KCNH7: variants seen among roughly 807,000 people sequenced by gnomAD.
KCNH7 encodes the protein potassium voltage-gated channel subfamily H member 7.
KCNH7 carries 49 observed loss-of-function variants against 120.8 expected under a neutral mutation model. The observed-to-expected ratio is 0.41, with a 90% CI of 0.32 to 0.51. KCNH7 has a LOEUF of 0.51. Ranked by LOEUF, KCNH7 falls within the 20% of genes least tolerant of loss-of-function variation. KCNH7 has a pLI of 0.38. For missense variants in KCNH7, 1,097 were observed against 1,446.6 expected (o/e 0.76, Z 3.92); for synonymous variants, 547 against 516.1 (o/e 1.06, Z -0.81).
chr2:162,653,416 A>G (rs1208650699), intron 2 of KCNH7, among the ~76,000 whole-genome samples: 1 of 152,208 alleles, frequency 6.6e-6, no homozygotes, highest in Non-Finnish European at 1.5e-5. Context: ...AAAAATCAGT[A>G]GCAGTTCTAT....
chr2:162,466,347 G>T (rs1689304301), intron 6 of KCNH7, among the ~76,000 whole-genome samples: 1 of 152,140 alleles, frequency 6.6e-6, no homozygotes, highest in Admixed American at 6.5e-5. Context: ...ATACGGCTAG[G>T]GAAGCCTCAG....
At chr2:162,677,967 T>C (rs1281648232) in intron 2 of KCNH7, among the ~76,000 whole-genome samples, 1 of 151,512 alleles carries the variant, frequency 6.6e-6, no homozygotes, top group African/African-American at 2.4e-5. Flanking sequence ...CTCATTTTTT[T>C]CTATTGGATT....
intron 2 of KCNH7, among the ~76,000 whole-genome samples, chr2:162,636,260 T>C (rs147229332): frequency 1.9e-4 from 29 of 152,164 alleles, no homozygotes; most frequent in African/African-American, 6.5e-4. Flanking sequence ...AAGAAGAAAT[T>C]ATTATATGTA....
At chr2:162,813,342 C>A (rs981978232) in intron 2 of KCNH7, among the ~76,000 whole-genome samples, 1 of 152,172 alleles carries the variant, frequency 6.6e-6, no homozygotes, top group African/African-American at 2.4e-5. Flanking sequence ...CAGATACATT[C>A]CTCGATCAGG....
intron 2 of KCNH7, among the ~76,000 whole-genome samples, chr2:162,814,673 T>C (rs941024477): frequency 2.0e-5 from 3 of 152,130 alleles, no homozygotes; most frequent in African/African-American, 4.8e-5. Flanking sequence ...AATAGAACAG[T>C]AAACAGATCC....
chr2:162,418,977 C>T (rs1408698826), intron 9 of KCNH7, among the ~76,000 whole-genome samples: 1 of 151,910 alleles, frequency 6.6e-6, no homozygotes, highest in Admixed American at 6.6e-5. Flanking sequence ...ATTAAAAGCT[C>T]CAAAAGCTCT....
intron 6 of KCNH7, among the ~76,000 whole-genome samples, chr2:162,469,315 T>C (rs1450663794): frequency 6.6e-6 from 1 of 152,164 alleles, no homozygotes; most frequent in African/African-American, 2.4e-5. Context: ...TAAACACCAA[T>C]TGAACAACTA....
At chr2:162,656,255 C>A (rs945516207) in intron 2 of KCNH7, among the ~76,000 whole-genome samples, 4 of 152,138 alleles carry the variant, frequency 2.6e-5, no homozygotes, top group African/African-American at 9.7e-5. Flanking sequence ...TGACTTGTTT[C>A]TATACAACCT....
At chr2:162,620,041 G>A (rs1030960021) in intron 2 of KCNH7, among the ~76,000 whole-genome samples, 5 of 150,902 alleles carry the variant, frequency 3.3e-5, no homozygotes, top group Admixed American at 2.0e-4. Context: ...ACTATACACA[G>A]TATATACATA....
At chr2:162,754,019 T>A (rs907571885) in intron 2 of KCNH7, among the ~76,000 whole-genome samples, 2 of 152,074 alleles carry the variant, frequency 1.3e-5, no homozygotes, top group Admixed American at 1.3e-4. Context: ...AAAAGCATTT[T>A]GAACAAGATA....
At chr2:162,429,793 A>G (rs1371166777) in intron 8 of KCNH7, among the ~76,000 whole-genome samples, 1 of 150,920 alleles carries the variant, frequency 6.6e-6, no homozygotes, top group African/African-American at 2.5e-5. Context: ...CTTCTTGGAT[A>G]TGTGGTTTTA....
intron 2 of KCNH7, among the ~76,000 whole-genome samples, chr2:162,570,756 A>C (rs1265331804): frequency 5.3e-5 from 8 of 152,182 alleles, no homozygotes; most frequent in African/African-American, 1.4e-4. Flanking sequence ...CAAATCAATA[A>C]ATGTAATCCA....
chr2:162,734,096 A>C (rs1160213375), intron 2 of KCNH7, among the ~76,000 whole-genome samples: 1 of 151,736 alleles, frequency 6.6e-6, no homozygotes, highest in South Asian at 2.1e-4. Flanking sequence ...TTTTTTTTCT[A>C]AACTCATTCC....
intron 14 of KCNH7, among the ~76,000 whole-genome samples, chr2:162,375,748 C>A (rs1039477341): frequency 4.6e-5 from 7 of 151,686 alleles, no homozygotes; most frequent in Admixed American, 1.3e-4. Context: ...GGAAGCATGG[C>A]AAAATCCTCA....
chr2:162,375,372 A>G (rs1686126994), intron 14 of KCNH7, among the ~76,000 whole-genome samples: 1 of 152,230 alleles, frequency 6.6e-6, no homozygotes, highest in Non-Finnish European at 1.5e-5. Context: ...GCTGTCTCTG[A>G]GAAATAAAAT....
At chr2:162,800,224 G>A (rs145396965) in intron 2 of KCNH7, among the ~76,000 whole-genome samples, 118 of 151,728 alleles carry the variant, frequency 7.8e-4, no homozygotes, top group African/African-American at 2.7e-3. Context: ...ATGAATGTAA[G>A]TGAGAATTGT....
At chr2:162,465,002 T>C (rs1689263582) in intron 6 of KCNH7, among the ~76,000 whole-genome samples, 1 of 152,106 alleles carries the variant, frequency 6.6e-6, no homozygotes, top group African/African-American at 2.4e-5. Context: ...TTCTCTACCA[T>C]GATCATTTCA....
chr2:162,641,542 T>C (rs1471075209), intron 2 of KCNH7, among the ~76,000 whole-genome samples: 2 of 148,978 alleles, frequency 1.3e-5, no homozygotes, highest in African/African-American at 5.1e-5. Context: ...TAGTGAGACC[T>C]TCTCTGTATT....
intron 2 of KCNH7, among the ~76,000 whole-genome samples, chr2:162,722,429 C>CA (rs2105375448): frequency 6.6e-6 from 1 of 151,904 alleles, no homozygotes; most frequent in South Asian, 2.1e-4. Context: ...AAATAGTAGA[C>CA]TTTTTTTTAA....
Sources: allele counts gnomAD v4.1 joint callset (sites outside exome capture counted in the v4.1 genomes callset), GRCh38; gene constraint gnomAD v4.1.1; transcripts MANE v1.5; gene names NCBI Gene and HGNC (gene_info 2026-07-23, HGNC 2026-07-21).